The following LRRC7 variants were observed in gnomAD, a reference collection of about 807,000 sequenced individuals.
LRRC7 encodes the protein leucine rich repeat containing 7, also known as leucine-rich repeat-containing protein 7.
A neutral mutation model predicts 175.7 loss-of-function variants in LRRC7; 23 were observed. That is an observed-to-expected ratio of 0.13 (90% CI 0.09 to 0.19). LRRC7 has a LOEUF of 0.19. Among genes scored for constraint, LRRC7 ranks in the 10% least tolerant of loss-of-function variants. LRRC7 has a pLI of 1.00. For missense variants in LRRC7, 1,354 were observed against 1,904.7 expected (o/e 0.71, Z 5.38); for synonymous variants, 685 against 680.9 (o/e 1.01, Z -0.09).
intron 7 of LRRC7, among the ~76,000 whole-genome samples, chr1:69,900,493 T>C (rs923553806): frequency 5.9e-5 from 9 of 152,198 alleles, no homozygotes; most frequent in African/African-American, 2.2e-4. Context: ...CTCAGTTGGT[T>C]GCATACAAAT....
chr1:69,582,311 A>C (rs1284926420), intron 1 of LRRC7, among the ~76,000 whole-genome samples: 2 of 152,194 alleles, frequency 1.3e-5, no homozygotes, highest in African/African-American at 4.8e-5. Flanking sequence ...TCAGTGGCTT[A>C]CACCACAAAC....
At chr1:69,767,974 G>A (rs898233156) in intron 3 of LRRC7, among the ~76,000 whole-genome samples, 1 of 152,120 alleles carries the variant, frequency 6.6e-6, no homozygotes, top group Non-Finnish European at 1.5e-5. Flanking sequence ...CCACATCCAG[G>A]TGAGGGCTGC....
chr1:69,722,545 A>G (rs188882037), intron 2 of LRRC7, among the ~76,000 whole-genome samples: 1 of 152,202 alleles, frequency 6.6e-6, no homozygotes, highest in African/African-American at 2.4e-5. Context: ...ATAGATGGAT[A>G]ATTCACTCAA....
chr1:69,954,122 G>A (rs1650247220), intron 8 of LRRC7, among the ~76,000 whole-genome samples: 1 of 151,962 alleles, frequency 6.6e-6, no homozygotes, highest in South Asian at 2.1e-4. Flanking sequence ...GGGTAATGAA[G>A]ATAAGCTTTC....
intron 22 of LRRC7, among the ~76,000 whole-genome samples, chr1:70,049,019 C>A (rs567470264): frequency 6.6e-6 from 1 of 152,140 alleles, no homozygotes; most frequent in Admixed American, 6.6e-5. Flanking sequence ...TTCTCTTGTT[C>A]ATTTTTTAAT....
intron 1 of LRRC7, among the ~76,000 whole-genome samples, chr1:69,649,088 G>T (rs2100471782): frequency 6.6e-6 from 1 of 152,256 alleles, no homozygotes; most frequent in Non-Finnish European, 1.5e-5. Context: ...AAATGTTATT[G>T]CTATTGGAAT....
At chr1:69,750,970 G>A (rs1487592840) in intron 2 of LRRC7, among the ~76,000 whole-genome samples, 1 of 152,160 alleles carries the variant, frequency 6.6e-6, no homozygotes, top group Non-Finnish European at 1.5e-5. Context: ...ATGGGATTAT[G>A]ATCTCCTCTC....
intron 8 of LRRC7, among the ~76,000 whole-genome samples, chr1:69,941,235 A>G (rs1194885704): frequency 1.3e-5 from 2 of 152,100 alleles, no homozygotes; most frequent in Non-Finnish European, 2.9e-5. Context: ...AAGACATTTT[A>G]AGGATTTAGG....
chr1:69,952,851 A>T (rs770963211), intron 8 of LRRC7, among the ~76,000 whole-genome samples: 1 of 151,864 alleles, frequency 6.6e-6, no homozygotes, highest in Non-Finnish European at 1.5e-5. Context: ...CCTTTGGAGA[A>T]CAAAACAACC....
At chr1:70,026,056 C>G (rs978112535) in intron 17 of LRRC7, among the ~76,000 whole-genome samples, 2 of 151,972 alleles carry the variant, frequency 1.3e-5, no homozygotes, top group Non-Finnish European at 2.9e-5. Context: ...ATATTAGTAC[C>G]ATGCCAAATA....
At chr1:69,736,521 G>A (rs1241643799) in intron 2 of LRRC7, among the ~76,000 whole-genome samples, 1 of 151,996 alleles carries the variant, frequency 6.6e-6, no homozygotes, top group Non-Finnish European at 1.5e-5. Flanking sequence ...TCAGTGTTTG[G>A]GAATAAGTTA....
intron 3 of LRRC7, among the ~76,000 whole-genome samples, chr1:69,782,863 A>C (rs1673929281): frequency 6.6e-6 from 1 of 152,180 alleles, no homozygotes; most frequent in South Asian, 2.1e-4. Flanking sequence ...AATTGGTTGC[A>C]AATGTGTGTA....
At chr1:69,906,881 C>G (rs990319524) in intron 7 of LRRC7, among the ~76,000 whole-genome samples, 1 of 152,136 alleles carries the variant, frequency 6.6e-6, no homozygotes, top group Admixed American at 6.6e-5. Flanking sequence ...ATTGATTCTT[C>G]CTACCTATGA....
At chr1:69,942,953 T>C (rs1425821673) in intron 8 of LRRC7, among the ~76,000 whole-genome samples, 1 of 152,138 alleles carries the variant, frequency 6.6e-6, no homozygotes, top group Non-Finnish European at 1.5e-5. Context: ...TTGTAAACTA[T>C]CTTAAAGCAT....
chr1:70,049,316 C>T (rs918352686), intron 22 of LRRC7, among the ~76,000 whole-genome samples: 4 of 152,160 alleles, frequency 2.6e-5, no homozygotes, highest in Non-Finnish European at 5.9e-5. Context: ...GTCTAATGTC[C>T]TTTCTTTCTG....
At chr1:69,912,959 T>C (rs1245295681) in intron 7 of LRRC7, among the ~76,000 whole-genome samples, 3 of 152,172 alleles carry the variant, frequency 2.0e-5, no homozygotes, top group Non-Finnish European at 4.4e-5. Context: ...TTGTACAGAA[T>C]CTTTTTTTCG....
chr1:69,644,272 TG>T (rs1654671875), intron 1 of LRRC7, among the ~76,000 whole-genome samples: 1 of 152,074 alleles, frequency 6.6e-6, no homozygotes, highest in African/African-American at 2.4e-5. Flanking sequence ...TTAAGTATGG[TG>T]GCATATTTTT....
intron 8 of LRRC7, among the ~76,000 whole-genome samples, chr1:69,945,130 A>C (rs1649169379): frequency 6.6e-6 from 1 of 152,094 alleles, no homozygotes; most frequent in African/African-American, 2.4e-5. Flanking sequence ...GAAGTTTTAC[A>C]GTTTCGGGAC....
chr1:70,015,600 C>T (rs1656896040), intron 13 of LRRC7, among the ~76,000 whole-genome samples: 1 of 152,124 alleles, frequency 6.6e-6, no homozygotes, highest in African/African-American at 2.4e-5. Context: ...GATGGTAACC[C>T]ATGTGATCAC....
Sources: allele counts gnomAD v4.1 joint callset (sites outside exome capture counted in the v4.1 genomes callset), GRCh38; gene constraint gnomAD v4.1.1; transcripts MANE v1.5; gene names NCBI Gene and HGNC (gene_info 2026-07-23, HGNC 2026-07-21).